The following CDIN1 variants were observed in gnomAD, a reference collection of about 807,000 sequenced individuals.
The protein encoded by CDIN1 is CDAN1-interacting nuclease 1.
In CDIN1, 33 loss-of-function variants were observed where a neutral mutation model predicts 45.3. The ratio of observed to expected loss-of-function variants is 0.73; its 90% CI spans 0.55 to 0.97. The LOEUF (loss-of-function observed/expected upper bound fraction) is 0.97. Ranked by LOEUF, CDIN1 falls within the 50% of genes least tolerant of loss-of-function variation. The pLI, the probability that CDIN1 is intolerant of heterozygous loss-of-function variation, is 0.00. For missense variants in CDIN1, 303 were observed against 339.4 expected, an observed-to-expected ratio of 0.89 and a Z score of 0.84; for synonymous variants, 118 against 124.4, an observed-to-expected ratio of 0.95 and a Z score of 0.34.
Position 36,592,903 on chromosome 15 carries a change from T to C in CDIN1, c.101+12942T>C, listed in dbSNP as rs374364460. 7.9e-5 allele frequency among the ~76,000 whole-genome samples: 12 copies of C among 152,264 alleles called. 1 individual carries two copies. The highest frequency in any genetic ancestry group is 2.9e-4 in the African/African-American group (12 of 41,526). ...AATGCTCTAGTGGTACACCCGAGGG[T>C]TTATCATGTCAGAAATTATTTCTAG... is the stretch of plus-strand genomic sequence containing the variant. On this transcript the variant is annotated intron_variant, in intron 1 of 10. Coordinates refer to ENST00000566621, the MANE Select transcript of CDIN1 (RefSeq NM_001321759.2).
intron 10 of CDIN1, among the ~76,000 whole-genome samples, chr15:36,727,275 C>G (rs1251806277): frequency 6.7e-6 from 1 of 150,090 alleles, no homozygotes; most frequent in African/African-American, 2.5e-5. Context: ...TTGTATCTGC[C>G]AAATTTAAGT....
intron 8 of CDIN1, chr15:36,707,584 A>C (rs561993848): frequency 2.7e-4 from 41 of 152,218 alleles, no homozygotes; most frequent in African/African-American, 9.9e-4. Flanking sequence ...TGACCTTTGA[A>C]ATTTTGTTTT....
intron 2 of CDIN1, 33 bp from the exon 3 acceptor site, chr15:36,645,190 G>A: frequency 6.6e-7 from 1 of 1,513,772 alleles, no homozygotes; most frequent in Non-Finnish European, 9.0e-7. Flanking sequence ...ACATATCAAA[G>A]ATTTTTTTGT....
intron 1 of CDIN1, among the ~76,000 whole-genome samples, chr15:36,610,633 T>C (rs571487226): frequency 1.3e-5 from 2 of 152,334 alleles, no homozygotes; most frequent in Middle Eastern, 3.4e-3. Flanking sequence ...AATAAGAATA[T>C]ATGAATCTAG....
intron 1 of CDIN1, among the ~76,000 whole-genome samples, chr15:36,637,307 GA>G (rs1474893074): frequency 6.6e-6 from 1 of 152,112 alleles, no homozygotes; most frequent in Non-Finnish European, 1.5e-5. Context: ...AAAAATATAT[GA>G]AAATATCTGC....
chr15:36,691,046 T>G (rs2042230246), intron 5 of CDIN1: 1 of 430,368 alleles, frequency 2.3e-6, no homozygotes, highest in Non-Finnish European at 4.5e-6. Flanking sequence ...GGTGGAAAAC[T>G]TGTGTGTGTG....
chr15:36,679,552 G>T (rs1294780476), intron 5 of CDIN1, among the ~76,000 whole-genome samples: 2 of 152,092 alleles, frequency 1.3e-5, no homozygotes, highest in African/African-American at 4.8e-5. Flanking sequence ...TATCCTTACT[G>T]CCTGTCTGTT....
chr15:36,610,384 G>A (rs1197554574), intron 1 of CDIN1, among the ~76,000 whole-genome samples: 1 of 152,142 alleles, frequency 6.6e-6, no homozygotes, highest in Non-Finnish European at 1.5e-5. Context: ...CTTTTCAGTT[G>A]TGTAATGTGA....
At chr15:36,685,253 G>C (rs1048704631) in intron 5 of CDIN1, among the ~76,000 whole-genome samples, 7 of 151,616 alleles carry the variant, frequency 4.6e-5, no homozygotes, top group African/African-American at 1.5e-4. Flanking sequence ...TGCTTTGAAT[G>C]CGTCCCAGAG....
intron 1 of CDIN1, among the ~76,000 whole-genome samples, chr15:36,626,395 A>AAG (rs930328669): frequency 3.3e-5 from 5 of 152,040 alleles, no homozygotes; most frequent in Non-Finnish European, 5.9e-5. Context: ...CTTAAAAAAA[A>AAG]AAAAAATAGT....
chr15:36,598,853 A>AT (rs1277591382), intron 1 of CDIN1, among the ~76,000 whole-genome samples: 1 of 151,762 alleles, frequency 6.6e-6, no homozygotes, highest in Non-Finnish European at 1.5e-5. Context: ...TGCTTTGGCC[A>AT]TGGTAGTTAC....
At chr15:36,769,559 C>T (rs1017690871) in intron 10 of CDIN1, among the ~76,000 whole-genome samples, 4 of 152,202 alleles carry the variant, frequency 2.6e-5, no homozygotes, top group African/African-American at 7.2e-5. Context: ...AATACCTTCA[C>T]AGCAACATCT....
chr15:36,714,944 C>T (rs182573216), intron 10 of CDIN1, among the ~76,000 whole-genome samples: 68 of 152,256 alleles, frequency 4.5e-4, no homozygotes, highest in African/African-American at 1.6e-3. Flanking sequence ...GTTTCCTTGG[C>T]CCCATAAACT....
chr15:36,657,184 TG>T, intron 4 of CDIN1, among the ~76,000 whole-genome samples: 1 of 152,136 alleles, frequency 6.6e-6, no homozygotes, highest in Non-Finnish European at 1.5e-5. Context: ...TTAATTAAAT[TG>T]GTAAGTAGTG....
In CDIN1 at chr15:36,644,261, T is replaced by G. The variant is rs750825839; in HGVS notation, c.102-17T>G. The G allele has an allele frequency of 3.1e-6, 5 of 1,613,196 alleles. No homozygotes were observed. Among genetic ancestry groups the G allele is most frequent in the Non-Finnish European group, 4.2e-6 (5 of 1,179,406 alleles). On this transcript the variant is annotated splice_polypyrimidine_tract_variant and intron_variant, in intron 1 of 10. Transcript: ENST00000566621. The stretch of plus-strand genomic sequence containing the variant: ...GCACTCCAGTAATTAACTTTGTCCT[T>G]CTTTTATTTGTTCCAGTCAATCGCA...
chr15:36,789,915 C>G (rs952881660), intron 10 of CDIN1, among the ~76,000 whole-genome samples: 4 of 152,126 alleles, frequency 2.6e-5, no homozygotes, highest in African/African-American at 9.7e-5. Flanking sequence ...ATTCGCCTTT[C>G]AAATGGTGGC....
intron 1 of CDIN1, among the ~76,000 whole-genome samples, chr15:36,616,368 C>T (rs2038888842): frequency 6.6e-6 from 1 of 151,898 alleles, no homozygotes; most frequent in African/African-American, 2.4e-5. Flanking sequence ...CTGCAACCCC[C>T]ACCTCCCGGG....
At chr15:36,685,924 T>G (rs1211582788) in intron 5 of CDIN1, among the ~76,000 whole-genome samples, 14 of 151,834 alleles carry the variant, frequency 9.2e-5, no homozygotes, top group South Asian at 4.2e-4. Context: ...GTGCTGGAGA[T>G]GATGTGGAGA....
chr15:36,771,210 A>C (rs1345154473), intron 10 of CDIN1, among the ~76,000 whole-genome samples: 1 of 152,064 alleles, frequency 6.6e-6, no homozygotes, highest in Non-Finnish European at 1.5e-5. Context: ...CCAAGGGTGG[A>C]GGGCTAGGGA....
Sources: gnomAD v4.1 joint callset for allele counts (sites outside exome capture counted in the v4.1 genomes callset) on GRCh38, gnomAD v4.1.1 for gene constraint, MANE v1.5 for transcripts, NCBI Gene and HGNC (gene_info 2026-07-23, HGNC 2026-07-21) for gene names.